Variants in TFB2M observed in about 807,000 individuals in gnomAD.
The protein encoded by TFB2M is transcription factor B2, mitochondrial.
TFB2M carries 44 observed loss-of-function variants against 41.3 expected under a neutral mutation model. The observed-to-expected ratio is 1.07, with a 90% confidence interval of 0.84 to 1.37. TFB2M has a LOEUF of 1.37. Among genes scored for constraint, TFB2M ranks in the 40% most tolerant of loss-of-function variants. The pLI, the probability that TFB2M is intolerant of heterozygous loss-of-function variation, is 0.00. For missense variants in TFB2M, 496 were observed against 490.2 expected (o/e 1.01, Z -0.11); for synonymous variants, 188 against 176.8 (o/e 1.06, Z -0.50).
At chr1:246,561,875 T>G (rs1429444867) in intron 2 of TFB2M, among the ~76,000 whole-genome samples, 3 of 152,202 alleles carry the variant, frequency 2.0e-5, no homozygotes, top group Non-Finnish European at 4.4e-5. Flanking sequence ...AATATGTAGA[T>G]TAACCTTTAA....
intron 2 of TFB2M, among the ~76,000 whole-genome samples, 191 bp from the exon 3 acceptor site, chr1:246,557,725 T>A (rs1572090809): frequency 6.6e-6 from 1 of 152,176 alleles, no homozygotes; most frequent in African/African-American, 2.4e-5. Context: ...CAGGCTGGAG[T>A]GCAGTGGCGC....
chr1:246,545,641 T>C (rs1016224121), intron 6 of TFB2M, among the ~76,000 whole-genome samples: 4 of 151,588 alleles, frequency 2.6e-5, no homozygotes, highest in African/African-American at 9.7e-5. Flanking sequence ...GGCGAAACCC[T>C]GTCTCTACAA....
chr1:246,565,820 A>T lies in TFB2M; in HGVS notation c.313+6T>A. On this transcript the variant is annotated splice_donor_region_variant and intron_variant, in intron 1 of 7. Transcript: ENST00000366514. ...ATCCAAGAAAATGCAATTCAGCTGGACTCACCTGGATTGCACTCCAGCAGT... is the reference window on the plus strand; with the variant it reads ...ATCCAAGAAAATGCAATTCAGCTGGTCTCACCTGGATTGCACTCCAGCAGT... 6.3e-7 allele frequency: 1 copy of T among 1,591,996 alleles called. No individual in the cohort carries two copies. Among genetic ancestry groups the T allele is most frequent in the Non-Finnish European group, 8.6e-7 (1 of 1,161,598 alleles).
At position 246,557,457 on chromosome 1, in the gene TFB2M, T is replaced by C. The variant is rs112020559; in HGVS notation, c.480A>G (p.Gly160=). ...AAGACATAGCAGGTGGTTTTATTACTCCACCACTTCTAGGATCTAGTTTAA... is the reference window on the plus strand; with the variant it reads ...AAGACATAGCAGGTGGTTTTATTACCCCACCACTTCTAGGATCTAGTTTAA... ...DFFKLDPRSG[G]VIKPPAMSSR... Residue 160 remains glycine (G), a synonymous_variant, in exon 3 of 8, where the codon GGA becomes GGG. Transcript: ENST00000366514. 360 of 1,613,548 alleles carry C rather than the reference T, an allele frequency of 2.2e-4. 2 individuals carry two copies. In the African/African-American group the frequency reaches 4.0e-3, roughly 18 times the overall value.
At chr1:246,561,425 T>C (rs1233012506) in intron 2 of TFB2M, among the ~76,000 whole-genome samples, 1 of 152,236 alleles carries the variant, frequency 6.6e-6, no homozygotes, top group Non-Finnish European at 1.5e-5. Context: ...AACCTTCCTT[T>C]TTTCATTAAA....
chr1:246,560,652 A>C (rs1659433924), intron 2 of TFB2M, among the ~76,000 whole-genome samples: 1 of 152,264 alleles, frequency 6.6e-6, no homozygotes, highest in Non-Finnish European at 1.5e-5. Flanking sequence ...CAAACATGAT[A>C]ATAATCAAAG....
At chr1:246,564,470 A>G (rs1475900423) in intron 1 of TFB2M, 36 bp from the exon 2 acceptor site, 1 of 1,580,272 alleles carries the variant, frequency 6.3e-7, no homozygotes, top group East Asian at 2.2e-5. Flanking sequence ...TTATTTGTAC[A>G]AGAAACATAA....
In TFB2M at chr1:246,566,221, A is replaced by G. The variant is rs1182979701; in HGVS notation, c.-83T>C. ...CCACGCAGGGTATCCCACGTGGAAC[A>G]TTTTCTGGCGTCCGGGCCAGGTCAA... is the stretch of plus-strand genomic sequence containing the variant. On this transcript the variant is annotated 5_prime_UTR_variant, in exon 1 of 8. The change abolishes an upstream ATG in the 5' untranslated region. Transcript: ENST00000366514. 8 of 1,424,416 alleles carry G rather than the reference A, an allele frequency of 5.6e-6. No individual in the cohort carries two copies. The highest frequency in any genetic ancestry group is 4.7e-5 in the East Asian group (2 of 42,656). The allele number at this position is 1,424,416 out of a possible 1,614,324, so 88.2% of individuals were successfully genotyped here. A position where few individuals can be genotyped will look rare whatever the true frequency, so the allele number is the denominator to read the frequency against.
intron 2 of TFB2M, among the ~76,000 whole-genome samples, chr1:246,563,486 C>CCA: frequency 6.6e-6 from 1 of 152,042 alleles, no homozygotes; most frequent in East Asian, 1.9e-4. Flanking sequence ...CGCCTGTAAT[C>CCA]CCAGCTACTT....
intron 6 of TFB2M, among the ~76,000 whole-genome samples, chr1:246,547,279 G>C (rs1033607269): frequency 1.3e-5 from 2 of 152,062 alleles, no homozygotes; most frequent in African/African-American, 4.8e-5. Context: ...ACCACGTCCG[G>C]CCAAGTTTAT....
At position 246,556,608 on chromosome 1, in the gene TFB2M, C is replaced by T. The variant is rs1343293587; in HGVS notation, c.670G>A (p.Glu224Lys). Reference sequence around the variant, plus strand: ...TTTTCACCAATAAACATATTTACTTCTATTCGTCCAAATTTATATATAGAA... The same window carrying T: ...TTTTCACCAATAAACATATTTACTTTTATTCGTCCAAATTTATATATAGAA... ...CTSIYKFGRI[E>K]VNMFIGEKEF... Residue 224 changes from glutamate to lysine, a missense_variant, in exon 4 of 8, where the codon GAA becomes AAA. Glu to Lys is a moderately conservative substitution (Grantham distance 56). Coordinates refer to ENST00000366514, the MANE Select transcript of TFB2M (RefSeq NM_022366.3). 1 of 1,540,320 alleles carries T rather than the reference C, an allele frequency of 6.5e-7. No homozygotes were observed. Among genetic ancestry groups the T allele is most frequent in the Non-Finnish European group, 8.7e-7 (1 of 1,145,730 alleles).
intron 6 of TFB2M, 104 bp from the exon 7 acceptor site, chr1:246,544,785 C>T: frequency 4.0e-6 from 4 of 999,464 alleles, no homozygotes; most frequent in Non-Finnish European, 5.8e-6. Context: ...ACAATCACCA[C>T]AGGCCCTGAG....
intron 6 of TFB2M, among the ~76,000 whole-genome samples, chr1:246,546,206 G>A (rs918643627): frequency 2.0e-5 from 3 of 151,886 alleles, no homozygotes; most frequent in African/African-American, 4.8e-5. Flanking sequence ...AGCTATTTGG[G>A]AGGTTGAGGT....
intron 5 of TFB2M, 149 bp downstream of exon 5, chr1:246,551,064 A>G (rs561961140): frequency 2.3e-4 from 137 of 597,188 alleles, no homozygotes; most frequent in Middle Eastern, 1.4e-3. Flanking sequence ...AGTCCCAGCT[A>G]CTCCAGAGGC....
intron 4 of TFB2M, among the ~76,000 whole-genome samples, chr1:246,553,825 C>T (rs1436034361): frequency 9.2e-5 from 14 of 152,200 alleles, no homozygotes; most frequent in African/African-American, 7.2e-5. Flanking sequence ...AATCCTAACG[C>T]ATTTTGGAGA....
rs1218939175 is a variant in TFB2M at position 246,565,878 on chromosome 1, G to A, written c.261C>T (p.Ile87=). The change falls in exon 1 of 8, where the codon ATC becomes ATT. Residue 87 remains isoleucine, a synonymous_variant. Coordinates refer to ENST00000366514, the MANE Select transcript of TFB2M (RefSeq NM_022366.3). ...GAGGTCTACTTGGTTTTCCCAAATA[G>A]ATTTGCGCCAGGGTCTCAGCCAATC... ...DRRLAETLAQ[I]YLGKPSRPPH... is the part of the protein sequence containing the mutation. 1 of 1,610,380 alleles carries A rather than the reference G, an allele frequency of 6.2e-7. No homozygotes were observed. Among genetic ancestry groups the A allele is most frequent in the Non-Finnish European group, 8.5e-7 (1 of 1,176,708 alleles).
intron 5 of TFB2M, 125 bp downstream of exon 5, chr1:246,551,088 T>A: frequency 1.5e-6 from 1 of 683,842 alleles, no homozygotes; most frequent in East Asian, 2.6e-5. Flanking sequence ...GGTGAGAGGA[T>A]CACTTGAGTC....
chr1:246,555,663 T>G (rs1196003965), intron 4 of TFB2M, among the ~76,000 whole-genome samples: 1 of 152,226 alleles, frequency 6.6e-6, no homozygotes, highest in Non-Finnish European at 1.5e-5. Context: ...TACTTCTAGC[T>G]GTACACTCAA....
chr1:246,546,966 T>TACACACACACAC (rs1372687255), intron 6 of TFB2M, among the ~76,000 whole-genome samples: 338 of 132,212 alleles, frequency 2.6e-3, no homozygotes, highest in Non-Finnish European at 3.5e-3. Context: ...TATGTATATA[T>TACACACACACAC]ACACACACAC....
Sources: allele counts gnomAD v4.1 joint callset (sites outside exome capture counted in the v4.1 genomes callset), GRCh38; gene constraint gnomAD v4.1.1; transcripts MANE v1.5; gene names NCBI Gene and HGNC (gene_info 2026-07-23, HGNC 2026-07-21).